SEC24C: variants seen among roughly 807,000 people sequenced by gnomAD.
SEC24C encodes the protein SEC24 homolog C, COPII component.
In SEC24C, 22 loss-of-function variants were observed where a neutral mutation model predicts 117.0. The observed-to-expected ratio is 0.19, with a 90% CI of 0.13 to 0.27. SEC24C has a LOEUF of 0.27. Among genes scored for constraint, SEC24C ranks in the 10% least tolerant of loss-of-function variants. The pLI, the probability that SEC24C is intolerant of heterozygous loss-of-function variation, is 1.00. For synonymous variants in SEC24C, 506 were observed against 529.4 expected (o/e 0.96, Z 0.61); for missense variants, 1,155 against 1,375.1 (o/e 0.84, Z 2.53).
At chr10:73,768,121 C>A in intron 15 of SEC24C, 114 bp downstream of exon 15, 1 of 963,848 alleles carries the variant, frequency 1.0e-6, no homozygotes, top group Non-Finnish European at 1.5e-6. Context: ...CGGTGCCTCA[C>A]ACCTGTAATC....
intron 2 of SEC24C, among the ~76,000 whole-genome samples, chr10:73,749,663 C>T (rs1293468335): frequency 6.6e-6 from 1 of 151,964 alleles, no homozygotes; most frequent in African/African-American, 2.4e-5. Context: ...CCTGTCTCAG[C>T]CTCCCGAATA....
In SEC24C at chr10:73,769,979, G is replaced by C. The variant is rs1358124132; in HGVS notation, c.2826G>C (p.Glu942Asp). 2 of 1,614,182 alleles carry C rather than the reference G, an allele frequency of 1.2e-6. No individual in the cohort carries two copies. Among genetic ancestry groups the C allele is most frequent in the Non-Finnish European group, 1.7e-6 (2 of 1,180,032 alleles). Residue 942 changes from glutamate (E) to aspartate (D), a missense_variant, in exon 20 of 23, where the codon GAG becomes GAC. Glu to Asp is a conservative substitution (Grantham distance 45, BLOSUM62 2). Coordinates refer to ENST00000345254, the MANE Select transcript of SEC24C (RefSeq NM_198597.3). The surrounding 1 kb of genome is among the most constrained non-coding windows in gnomAD (Gnocchi z 4.5). ...RQLVTSMDVT[E>D]TNVFFYPRLL... ...TAGTTACCTCCATGGATGTGACTGAGACCAATGTCTTCTTCTACCCTCGGC... is the reference window on the plus strand; with the variant it reads ...TAGTTACCTCCATGGATGTGACTGACACCAATGTCTTCTTCTACCCTCGGC...
Position 73,746,808 on chromosome 10 carries a change from A to C in SEC24C, c.-25A>C, listed in dbSNP as rs369812901. ...TAATTTCTCCTCTCTCTCACAGGTGAGATCAAATTGGGAATGCTTTCATAA... is the reference window on the plus strand; with the variant it reads ...TAATTTCTCCTCTCTCTCACAGGTGCGATCAAATTGGGAATGCTTTCATAA... On this transcript the variant is annotated 5_prime_UTR_variant, in exon 2 of 23. Coordinates refer to ENST00000345254, the MANE Select transcript of SEC24C (RefSeq NM_198597.3). 6.3e-7 allele frequency: 1 copy of C among 1,582,102 alleles called. No homozygotes were observed. The highest frequency in any genetic ancestry group is 1.3e-5 in the African/African-American group (1 of 74,142).
At position 73,770,307 on chromosome 10, in the gene SEC24C, G is replaced by A. The variant is rs765857377; in HGVS notation, c.2890G>A (p.Glu964Lys). The A allele has an allele frequency of 5.0e-6, 8 of 1,612,506 alleles. No homozygotes were observed. The highest frequency in any genetic ancestry group is 2.2e-5 in the East Asian group (1 of 44,874). Reference protein sequence around the residue: ...LTKSPVESTTEPPAVRASEER... With the variant: ...LTKSPVESTTKPPAVRASEER... The stretch of plus-strand genomic sequence containing the variant: ...AAAGTCTCCCGTTGAGAGTACTACC[G>A]AACCACCAGCAGTTCGAGCCTCTGA... The change falls in exon 21 of 23, where the codon GAA (glutamate) becomes AAA (lysine). Residue 964 changes from glutamate (E) to lysine (K), a missense_variant. Physicochemically the swap from Glu to Lys is moderately conservative, Grantham distance 56 (BLOSUM62 1). Transcript: ENST00000345254.
chr10:73,755,865 T>A (rs953751767), intron 3 of SEC24C, among the ~76,000 whole-genome samples: 7 of 151,718 alleles, frequency 4.6e-5, no homozygotes, highest in Admixed American at 2.6e-4. Context: ...CTTTTTTTTT[T>A]TTTAAATACA....
chr10:73,752,897 C>T (rs1001712676), intron 3 of SEC24C, among the ~76,000 whole-genome samples: 1 of 152,142 alleles, frequency 6.6e-6, no homozygotes, highest in Non-Finnish European at 1.5e-5. Flanking sequence ...TAGCAAACTC[C>T]TTTGTAACTA....
Position 73,760,175 on chromosome 10 carries a change from C to T in SEC24C, c.639C>T (p.Phe213=), listed in dbSNP as rs376867893. 6.2e-7 allele frequency: 1 copy of T among 1,614,190 alleles called. No individual in the cohort carries two copies. Among genetic ancestry groups the T allele is most frequent in the South Asian group, 1.1e-5 (1 of 91,088 alleles). The change falls in exon 5 of 23, where the codon TTC becomes TTT. Residue 213 remains phenylalanine (F), a synonymous_variant. Coordinates refer to ENST00000345254, the MANE Select transcript of SEC24C (RefSeq NM_198597.3). ...CTGCCCCATCACAGGCCTCCAGCTT[C>T]ACACCCCCAGCTTCAGGGGGTCCTC... is the stretch of plus-strand genomic sequence containing the variant. ...QRSAPSQASS[F]TPPASGGPRL... is the part of the protein sequence containing the mutation.
rs545617956 is a variant in SEC24C at position 73,753,887 on chromosome 10, A to G, written c.308+2644A>G. On this transcript the variant is annotated intron_variant, in intron 3 of 22. Transcript: ENST00000345254. ...CACACTTGTCCAACTTGTGGCCCACAGTCTGCGTGCCCCAGGACGGCTTTG... is the reference window on the plus strand; with the variant it reads ...CACACTTGTCCAACTTGTGGCCCACGGTCTGCGTGCCCCAGGACGGCTTTG... Among the ~76,000 whole-genome samples the G allele has an allele frequency of 2.0e-5, 3 of 152,292 alleles. No individual in the cohort carries two copies. The East Asian group carries it at 5.8e-4, about 29-fold the overall frequency.
chr10:73,771,038 A>T lies in SEC24C; in HGVS notation c.3228A>T (p.Ala1076=), dbSNP rs1318248200. The T allele has an allele frequency of 1.9e-6, 3 of 1,614,098 alleles. No individual in the cohort carries two copies. In the African/African-American group the frequency reaches 4.0e-5, roughly 22 times the overall value. Residue 1076 remains alanine, a synonymous_variant, in exon 23 of 23, where the codon GCA becomes GCT. Coordinates refer to ENST00000345254, the MANE Select transcript of SEC24C (RefSeq NM_198597.3). ...AAGACAAGAGTCTGAGTGGGGGAGC[A>T]TCTTATGTGGACTTTCTCTGTCATA... ...LVEDKSLSGG[A]SYVDFLCHMH...
Position 73,759,604 on chromosome 10 carries a change from C to T in SEC24C, c.309-18C>T, listed in dbSNP as rs2082763371. ...GTCCTGGCCCCACTAGTCACCTCTG[C>T]TTGCTTTCTTTTCACAGGCTGCCTG... On this transcript the variant is annotated intron_variant, in intron 3 of 22. Transcript: ENST00000345254. 6.7e-7 allele frequency: 1 copy of T among 1,497,224 alleles called. No homozygotes were observed. Among genetic ancestry groups the T allele is most frequent in the Non-Finnish European group, 8.9e-7 (1 of 1,124,208 alleles). The allele number at this position is 1,497,224 out of a possible 1,614,324, so 92.7% of individuals were successfully genotyped here. A position where few individuals can be genotyped will look rare whatever the true frequency, so the allele number is the denominator to read the frequency against.
At chr10:73,770,857 G>C in intron 22 of SEC24C, 59 bp downstream of exon 22, 1 of 1,610,858 alleles carries the variant, frequency 6.2e-7, no homozygotes, top group Admixed American at 1.7e-5. Context: ...TAGAAGTGGG[G>C]GTTGGGTGGG....
chr10:73,758,207 C>T (rs977957713), intron 3 of SEC24C, among the ~76,000 whole-genome samples: 2 of 151,870 alleles, frequency 1.3e-5, no homozygotes, highest in African/African-American at 2.4e-5. Flanking sequence ...TGCACTCCAG[C>T]CTGGGCGACA....
In SEC24C at chr10:73,766,351, G is replaced by A; in HGVS notation, c.1609G>A (p.Glu537Lys). Reference sequence around the variant, plus strand: ...AGGTAACAATGTCACCTTCTACAGGGAGGGTGGGGCAGAAGAGTCAGCAAT... The same window carrying A: ...AGGTAACAATGTCACCTTCTACAGGAAGGGTGGGGCAGAAGAGTCAGCAAT... ...LKSLLDFLPR[E>K]GGAEESAIRV... The change falls in exon 12 of 23, where the codon GAG becomes AAG. Residue 537 changes from glutamate to lysine, a missense_variant and splice_region_variant. Glu to Lys is a moderately conservative substitution (Grantham distance 56). This residue lies in a region of SEC24C where 759 missense variants were observed against 992.3 expected (regional missense o/e 0.76). Coordinates refer to ENST00000345254, the MANE Select transcript of SEC24C (RefSeq NM_198597.3). 1 of 1,599,910 alleles carries A rather than the reference G, an allele frequency of 6.3e-7. No homozygotes were observed. Among genetic ancestry groups the A allele is most frequent in the Non-Finnish European group, 8.5e-7 (1 of 1,170,612 alleles).
At chr10:73,765,350 C>T in intron 8 of SEC24C, 101 bp from the exon 9 acceptor site, 1 of 1,323,252 alleles carries the variant, frequency 7.6e-7, no homozygotes, top group South Asian at 1.3e-5. Context: ...GACAGAATAT[C>T]TGCGCCATGC....
intron 15 of SEC24C, among the ~76,000 whole-genome samples, 196 bp from the exon 16 acceptor site, chr10:73,768,614 T>C (rs1195366875): frequency 1.3e-5 from 2 of 152,250 alleles, no homozygotes; most frequent in Non-Finnish European, 2.9e-5. Context: ...TAAATAATTA[T>C]ATGTAAAGCA....
rs2082776542 is a variant in SEC24C, at chr10:73,760,247, A to G, written c.711A>G (p.Gly237=). 6.2e-7 allele frequency: 1 copy of G among 1,614,010 alleles called. No individual in the cohort carries two copies. The highest frequency in any genetic ancestry group is 1.1e-5 in the South Asian group (1 of 91,080). The part of the protein sequence containing the change: ...TGPLLPGQSF[G]GPSVSQPNHV... The stretch of plus-strand genomic sequence containing the variant: ...CACTCCTGCCTGGACAGAGTTTTGG[A>G]GGGCCCTCAGTGAGCCAGCCCAACC... Residue 237 remains glycine (G), a synonymous_variant, in exon 5 of 23, where the codon GGA becomes GGG. Coordinates refer to ENST00000345254, the MANE Select transcript of SEC24C (RefSeq NM_198597.3).
intron 4 of SEC24C, 101 bp from the exon 5 acceptor site, chr10:73,759,917 G>C (rs2082770049): frequency 1.3e-6 from 2 of 1,492,872 alleles, no homozygotes; most frequent in African/African-American, 2.8e-5. Context: ...CAGAAGATGG[G>C]ACAGTCATAT....
intron 1 of SEC24C, among the ~76,000 whole-genome samples, chr10:73,745,202 G>T (rs2082527876): frequency 6.6e-6 from 1 of 152,000 alleles, no homozygotes; most frequent in Non-Finnish European, 1.5e-5. Context: ...TGATACAGCT[G>T]TTGAAAGTAG....
chr10:73,746,884 C>A lies in SEC24C; in HGVS notation c.52C>A (p.Pro18Thr). The A allele has an allele frequency of 6.2e-7, 1 of 1,613,590 alleles. No homozygotes were observed. The highest frequency in any genetic ancestry group is 8.5e-7 in the Non-Finnish European group (1 of 1,179,758). The change falls in exon 2 of 23, where the codon CCC becomes ACC. Residue 18 changes from proline to threonine, a missense_variant. This residue lies in a region of SEC24C where 396 missense variants were observed against 382.8 expected (regional missense o/e 1.03). Transcript: ENST00000345254. Reference sequence around the variant, plus strand: ...TGTGCCACCATTTGGGCAGCCCCAGCCCATCTACCCAGGGTATCATCAGTC... The same window carrying A: ...TGTGCCACCATTTGGGCAGCCCCAGACCATCTACCCAGGGTATCATCAGTC... The part of the protein sequence containing the change: ...PPVPPFGQPQ[P>T]IYPGYHQSSY...
Sources: allele counts gnomAD v4.1 joint callset (sites outside exome capture counted in the v4.1 genomes callset), GRCh38; gene constraint gnomAD v4.1.1; regional missense constraint gnomAD v4.1.1; non-coding constraint Gnocchi (gnomAD v3.1); transcripts MANE v1.5; gene names NCBI Gene and HGNC (gene_info 2026-07-23, HGNC 2026-07-21).